Variants in MCF2L2 observed in about 807,000 individuals in gnomAD.
MCF2L2 encodes the protein MCF.2 cell line derived transforming sequence-like 2, also known as probable guanine nucleotide exchange factor MCF2L2.
Under a neutral mutation model 150.2 loss-of-function variants are expected in MCF2L2, and 102 were observed. The ratio of observed to expected loss-of-function variants is 0.68; its 90% CI spans 0.58 to 0.80. The LOEUF is 0.80. Ranked by LOEUF, MCF2L2 falls within the 30% of genes least tolerant of loss-of-function variation. MCF2L2 has a pLI of 0.00. For missense variants in MCF2L2, 1,256 were observed against 1,372.8 expected (o/e 0.91, Z 1.34); for synonymous variants, 465 against 491.3 (o/e 0.95, Z 0.71).
At chr3:183,259,933 A>C (rs1725432654) in intron 15 of MCF2L2, among the ~76,000 whole-genome samples, 1 of 152,186 alleles carries the variant, frequency 6.6e-6, no homozygotes, top group African/African-American at 2.4e-5. Context: ...ATGCAGCAAA[A>C]CAGAAATGAC....
intron 3 of MCF2L2, among the ~76,000 whole-genome samples, chr3:183,346,064 A>C (rs1247333209): frequency 6.6e-6 from 1 of 152,226 alleles, no homozygotes; most frequent in Non-Finnish European, 1.5e-5. Context: ...TCCCTAGCTC[A>C]TTTTATGAGG....
intron 10 of MCF2L2, among the ~76,000 whole-genome samples, chr3:183,309,481 C>A (rs375571517): frequency 5.8e-4 from 89 of 152,214 alleles, no homozygotes; most frequent in African/African-American, 2.0e-3. Context: ...CCTCACCCGA[C>A]CTGAGCGTCC....
intron 20 of MCF2L2, among the ~76,000 whole-genome samples, chr3:183,222,592 G>A (rs1024354946): frequency 6.6e-6 from 1 of 152,082 alleles, no homozygotes; most frequent in African/African-American, 2.4e-5. Context: ...ACGTGGGGAA[G>A]TACCCAGTAA....
In MCF2L2 at chr3:183,206,227, G is replaced by C. The variant is rs1272840633; in HGVS notation, c.2713-13C>G. On this transcript the variant is annotated splice_polypyrimidine_tract_variant and intron_variant, in intron 23 of 29. Coordinates refer to ENST00000328913, the MANE Select transcript of MCF2L2 (RefSeq NM_015078.4). ...AAAGTGTCATCAGCTATTATAAAGA[G>C]GGAAGAGAAATGTTCTATACCATCG... is the stretch of plus-strand genomic sequence containing the variant. The C allele has an allele frequency of 6.3e-7, 1 of 1,593,398 alleles. No homozygotes were observed. Among genetic ancestry groups the C allele is most frequent in the African/African-American group, 1.3e-5 (1 of 74,470 alleles).
intron 18 of MCF2L2, chr3:183,225,824 C>G (rs1349168963): frequency 1.3e-5 from 2 of 152,230 alleles, no homozygotes; most frequent in Non-Finnish European, 2.9e-5. Context: ...TTTATGGAAT[C>G]CTCTGCATAC....
At chr3:183,290,625 C>T (rs939097066) in intron 13 of MCF2L2, among the ~76,000 whole-genome samples, 2 of 152,060 alleles carry the variant, frequency 1.3e-5, no homozygotes, top group Non-Finnish European at 2.9e-5. Flanking sequence ...CCTCCGCCTC[C>T]CAGGTTCAAG....
At chr3:183,385,446 C>T (rs1308795735) in intron 2 of MCF2L2, among the ~76,000 whole-genome samples, 4 of 152,142 alleles carry the variant, frequency 2.6e-5, no homozygotes, top group Non-Finnish European at 5.9e-5. Context: ...CTCCACCAAA[C>T]CTGGGCTTCA....
At chr3:183,277,656 A>AATAT in intron 14 of MCF2L2, among the ~76,000 whole-genome samples, 1 of 148,828 alleles carries the variant, frequency 6.7e-6, no homozygotes, top group Admixed American at 6.7e-5. Context: ...TTATATTCCA[A>AATAT]ATATATATAT....
chr3:183,244,720 T>C (rs1253925695), intron 15 of MCF2L2, among the ~76,000 whole-genome samples: 3 of 151,784 alleles, frequency 2.0e-5, no homozygotes, highest in Non-Finnish European at 4.4e-5. Flanking sequence ...CATAATACCA[T>C]GCTAATTTCA....
intron 15 of MCF2L2, 180 bp from the exon 16 acceptor site, chr3:183,231,197 G>T: frequency 1.5e-6 from 1 of 681,492 alleles, no homozygotes; most frequent in African/African-American, 1.8e-5. Flanking sequence ...TCTCACAAAC[G>T]CACACTGTGA....
intron 5 of MCF2L2, among the ~76,000 whole-genome samples, chr3:183,326,492 C>CAAAAAAAAAAAAAAAAA (rs890481068): frequency 2.5e-5 from 1 of 39,424 alleles, no homozygotes; most frequent in African/African-American, 9.2e-5. Context: ...AACTCCGTCT[C>CAAAAAAAAAAAAAAAAA]AAAAAAAAAA....
chr3:183,418,231 C>A (rs549887446), intron 1 of MCF2L2, among the ~76,000 whole-genome samples: 5 of 152,212 alleles, frequency 3.3e-5, no homozygotes, highest in Non-Finnish European at 7.4e-5. Flanking sequence ...CTTGTGAGAA[C>A]TCCCCCACTA....
At chr3:183,249,507 AG>A (rs1369426499) in intron 15 of MCF2L2, among the ~76,000 whole-genome samples, 1 of 152,202 alleles carries the variant, frequency 6.6e-6, no homozygotes, top group Non-Finnish European at 1.5e-5. Context: ...CAGTTCCAGG[AG>A]GCCCCTCCCC....
At position 183,318,077 on chromosome 3, in the gene MCF2L2, G is replaced by A. The variant is rs779560501; in HGVS notation, c.744C>T (p.Asp248=). ...GTCACTGACCGCTCACCTGCAGCTT[G>A]TCCCGCTGCCTTGTGTGGGACATGA... is the stretch of plus-strand genomic sequence containing the variant. The part of the protein sequence containing the change: ...DLLMSHTRQR[D]KLQDELKLLG... The change falls in exon 7 of 30, where the codon GAC becomes GAT. Residue 248 remains aspartate, a synonymous_variant. Coordinates refer to ENST00000328913, the MANE Select transcript of MCF2L2 (RefSeq NM_015078.4). 3 of 1,613,816 alleles carry A rather than the reference G, an allele frequency of 1.9e-6. No homozygotes were observed. Among genetic ancestry groups the A allele is most frequent in the Admixed American group, 3.3e-5 (2 of 59,964 alleles).
chr3:183,395,989 A>G (rs1714430272), intron 1 of MCF2L2, among the ~76,000 whole-genome samples: 1 of 146,466 alleles, frequency 6.8e-6, no homozygotes, highest in Non-Finnish European at 1.5e-5. Context: ...CCCCACCTCC[A>G]GAAAGTTCCT....
rs187657759 is a variant in MCF2L2, at chr3:183,348,511, C to A, written c.276-6881G>T. On this transcript the variant is annotated intron_variant, in intron 3 of 29. Transcript: ENST00000328913. Reference sequence around the variant, plus strand: ...AGCAAACCACCATGGCACATGTATACCTATGGAACAAACCCGCTCATTCTG... The same window carrying A: ...AGCAAACCACCATGGCACATGTATAACTATGGAACAAACCCGCTCATTCTG... Among the ~76,000 whole-genome samples, 10 of 152,052 alleles carry A rather than the reference C, an allele frequency of 6.6e-5. No individual in the cohort carries two copies. In the East Asian group the frequency reaches 1.9e-3, roughly 29 times the overall value.
chr3:183,323,408 A>T (rs1232973344), intron 5 of MCF2L2, 57 bp from the exon 6 acceptor site: 6 of 820,632 alleles, frequency 7.3e-6, no homozygotes, highest in Non-Finnish European at 1.0e-5. Flanking sequence ...ATAATAGCTC[A>T]TTTACATTCT....
intron 22 of MCF2L2, among the ~76,000 whole-genome samples, chr3:183,212,968 G>C (rs1197222818): frequency 1.4e-5 from 2 of 138,044 alleles, no homozygotes; most frequent in African/African-American, 5.2e-5. Context: ...GGGGGGGTGG[G>C]GGGGTGGGGA....
intron 5 of MCF2L2, among the ~76,000 whole-genome samples, chr3:183,337,766 T>C (rs951613819): frequency 7.2e-5 from 11 of 152,172 alleles, no homozygotes; most frequent in Admixed American, 2.0e-4. Flanking sequence ...AGCAGCTTCA[T>C]GCAGATGTGT....
Sources: gnomAD v4.1 joint callset for allele counts (sites outside exome capture counted in the v4.1 genomes callset) on GRCh38, gnomAD v4.1.1 for gene constraint, MANE v1.5 for transcripts, NCBI Gene and HGNC (gene_info 2026-07-23, HGNC 2026-07-21) for gene names.